Variants in PRDM16 observed in about 807,000 individuals in gnomAD.
PRDM16 encodes histone-lysine N-methyltransferase PRDM16.
In PRDM16, 23 loss-of-function variants were observed where a neutral mutation model predicts 110.6. The observed-to-expected ratio is 0.21, with a 90% CI of 0.15 to 0.29. The LOEUF (loss-of-function observed/expected upper bound fraction) is 0.29. Ranked by LOEUF, PRDM16 falls within the 10% of genes least tolerant of loss-of-function variation. The pLI, the probability that PRDM16 is intolerant of heterozygous loss-of-function variation, is 1.00. For missense variants in PRDM16, 1,615 were observed against 1,794.3 expected, an observed-to-expected ratio of 0.90 and a Z score of 1.81; for synonymous variants, 799 against 781.8, an observed-to-expected ratio of 1.02 and a Z score of -0.37.
intron 2 of PRDM16, among the ~76,000 whole-genome samples, chr1:3,212,277 C>T (rs1478496011): frequency 2.0e-5 from 3 of 152,202 alleles, no homozygotes; most frequent in Non-Finnish European, 2.9e-5. Flanking sequence ...GCTAGTTAAG[C>T]TCCTCATTTG....
In PRDM16 at chr1:3,418,652, C is replaced by T; in HGVS notation, c.2862-15C>T. ...CCTAATCCTCCCTCACCCTCCCCAC[C>T]TCCCTCCACCCCAGGTACTGTGGGA... On this transcript the variant is annotated splice_polypyrimidine_tract_variant and intron_variant, in intron 11 of 16. Coordinates refer to ENST00000270722, the MANE Select transcript of PRDM16 (RefSeq NM_022114.4). The T allele has an allele frequency of 6.3e-7, 1 of 1,597,788 alleles. No individual in the cohort carries two copies. The highest frequency in any genetic ancestry group is 8.6e-7 in the Non-Finnish European group (1 of 1,165,294).
chr1:3,287,414 C>CT (rs1296100948), intron 3 of PRDM16, among the ~76,000 whole-genome samples: 52 of 67,868 alleles, frequency 7.7e-4, no homozygotes, highest in Non-Finnish European at 1.3e-3. Context: ...GGAGCCGCCC[C>CT]GCCACGCGGG....
rs1190334699 is a variant in PRDM16 at position 3,358,884 on chromosome 1, A to G, written c.439-26268A>G. 6.6e-6 allele frequency among the ~76,000 whole-genome samples: 1 copy of G among 152,138 alleles called. No homozygotes were observed. The highest frequency in any genetic ancestry group is 1.9e-4 in the East Asian group (1 of 5,180). On this transcript the variant is annotated intron_variant, in intron 3 of 16. Transcript: ENST00000270722. This position sits in a 1 kb window ranked among gnomAD's most constrained non-coding sequence, Gnocchi z 4.0. ...AAAACAGACACCCCTCTTGGGCCGC[A>G]GAGGAGGTGGGGAAGCCGTGAAGAT...
intron 8 of PRDM16, among the ~76,000 whole-genome samples, chr1:3,407,327 C>A (rs1643579306): frequency 6.6e-6 from 1 of 152,242 alleles, no homozygotes; most frequent in African/African-American, 2.4e-5. Context: ...CACATGCCCC[C>A]ACCAACTGAG....
At position 3,353,097 on chromosome 1, in the gene PRDM16, C is replaced by T. The variant is rs182351853; in HGVS notation, c.439-32055C>T. Among the ~76,000 whole-genome samples, 596 of 152,344 alleles carry T rather than the reference C, an allele frequency of 3.9e-3. 8 individuals are homozygous for T. The highest frequency in any genetic ancestry group is 0.013 in the African/African-American group (557 of 41,584). On this transcript the variant is annotated intron_variant, in intron 3 of 16. Coordinates refer to ENST00000270722, the MANE Select transcript of PRDM16 (RefSeq NM_022114.4). This position sits in a 1 kb window ranked among gnomAD's most constrained non-coding sequence, Gnocchi z 5.4. ...TCAGGAAAGGGAGGCTGCAGCCGCACACCCGAAGAGCTCGAAAGCTGGCCC... is the reference window on the plus strand; with the variant it reads ...TCAGGAAAGGGAGGCTGCAGCCGCATACCCGAAGAGCTCGAAAGCTGGCCC...
intron 1 of PRDM16, among the ~76,000 whole-genome samples, chr1:3,105,799 T>C (rs974317108): frequency 2.0e-5 from 3 of 152,198 alleles, no homozygotes; most frequent in African/African-American, 7.2e-5. Flanking sequence ...GCCACTGCTG[T>C]GTGCAGCCCC....
intron 1 of PRDM16, among the ~76,000 whole-genome samples, chr1:3,113,726 A>G (rs1340444678): frequency 1.3e-5 from 2 of 152,166 alleles, no homozygotes; most frequent in African/African-American, 4.8e-5. Flanking sequence ...ATCCCCAGAC[A>G]TGGCCGCGTG....
In PRDM16 at chr1:3,378,685, G is replaced by A. The variant is rs144819031; in HGVS notation, c.439-6467G>A. On this transcript the variant is annotated intron_variant, in intron 3 of 16. Coordinates refer to ENST00000270722, the MANE Select transcript of PRDM16 (RefSeq NM_022114.4). Reference sequence around the variant, plus strand: ...GCACAGAGACCCTGGGGAGGAAGGCGAGAGAGGACAGGAAAGGTGGCAGGA... The same window carrying A: ...GCACAGAGACCCTGGGGAGGAAGGCAAGAGAGGACAGGAAAGGTGGCAGGA... 9.9e-3 allele frequency among the ~76,000 whole-genome samples: 1,512 copies of A among 152,206 alleles called. 11 individuals are homozygous for A. The highest frequency in any genetic ancestry group is 0.017 in the Non-Finnish European group (1,143 of 67,974).
chr1:3,372,071 C>T (rs1357753124), intron 3 of PRDM16, among the ~76,000 whole-genome samples: 1 of 152,236 alleles, frequency 6.6e-6, no homozygotes, highest in Non-Finnish European at 1.5e-5. Flanking sequence ...TGTGTGCAGC[C>T]TGCACATTTG....
rs1045135294 is a variant in PRDM16 at position 3,244,715 on chromosome 1, A to G, written c.438+578A>G. 1.3e-5 allele frequency among the ~76,000 whole-genome samples: 2 copies of G among 152,174 alleles called. No individual in the cohort carries two copies. Among genetic ancestry groups the G allele is most frequent in the Non-Finnish European group, 1.5e-5 (1 of 68,040 alleles). On this transcript the variant is annotated intron_variant, in intron 3 of 16. Coordinates refer to ENST00000270722, the MANE Select transcript of PRDM16 (RefSeq NM_022114.4). This position sits in a 1 kb window ranked among gnomAD's most constrained non-coding sequence, Gnocchi z 4.1. ...CAGATCCAGAGGGAGAACCATGTGCAGAGAAACACACAGGCCCTGGGGAGG... is the reference window on the plus strand; with the variant it reads ...CAGATCCAGAGGGAGAACCATGTGCGGAGAAACACACAGGCCCTGGGGAGG...
chr1:3,241,605 G>A (rs996500903), intron 2 of PRDM16, among the ~76,000 whole-genome samples: 1 of 152,230 alleles, frequency 6.6e-6, no homozygotes, highest in African/African-American at 2.4e-5. Flanking sequence ...GACAAGCTCC[G>A]GGGAGCAGGA....
chr1:3,355,271 C>T (rs886977758), intron 3 of PRDM16, among the ~76,000 whole-genome samples: 15 of 152,108 alleles, frequency 9.9e-5, no homozygotes, highest in East Asian at 1.9e-4. Context: ...TGGAGGCCTC[C>T]GGGGTATCAG....
At chr1:3,203,468 G>A (rs1286066725) in intron 2 of PRDM16, among the ~76,000 whole-genome samples, 1 of 152,238 alleles carries the variant, frequency 6.6e-6, no homozygotes, top group Non-Finnish European at 1.5e-5. Flanking sequence ...AAGGTGCCAT[G>A]TGCTGCATGG....
intron 4 of PRDM16, 35 bp downstream of exon 4, chr1:3,385,321 T>C (rs1402746594): frequency 6.2e-7 from 1 of 1,609,168 alleles, no homozygotes. Flanking sequence ...CTTCTGCCTC[T>C]TGGAATTGTC....
chr1:3,254,491 T>A (rs1279479731), intron 3 of PRDM16, among the ~76,000 whole-genome samples: 1 of 152,098 alleles, frequency 6.6e-6, no homozygotes, highest in African/African-American at 2.4e-5. Context: ...TGTACAAAAA[T>A]CACAAGCATT....
At chr1:3,343,726 C>T (rs574518428) in intron 3 of PRDM16, among the ~76,000 whole-genome samples, 5 of 152,176 alleles carry the variant, frequency 3.3e-5, no homozygotes, top group South Asian at 2.1e-4. Flanking sequence ...CTCCGCCTCC[C>T]GGGTTCTCCG....
intron 1 of PRDM16, among the ~76,000 whole-genome samples, chr1:3,154,506 G>T (rs569785155): frequency 2.0e-5 from 3 of 152,196 alleles, no homozygotes; most frequent in Non-Finnish European, 4.4e-5. Context: ...CACTCCTCCC[G>T]CCTCCAGGAA....
At chr1:3,138,349 G>C (rs1382565161) in intron 1 of PRDM16, among the ~76,000 whole-genome samples, 1 of 152,258 alleles carries the variant, frequency 6.6e-6, no homozygotes, top group East Asian at 1.9e-4. Flanking sequence ...AAATACAAAA[G>C]CTGAGACTGG....
intron 3 of PRDM16, among the ~76,000 whole-genome samples, chr1:3,292,031 C>T (rs1477052240): frequency 1.3e-5 from 2 of 152,192 alleles, no homozygotes; most frequent in Non-Finnish European, 2.9e-5. Flanking sequence ...TGGGCTTGGC[C>T]GCAGGACCCC....
Sources: allele counts gnomAD v4.1 joint callset (sites outside exome capture counted in the v4.1 genomes callset), GRCh38; gene constraint gnomAD v4.1.1; non-coding constraint Gnocchi (gnomAD v3.1); transcripts MANE v1.5; gene names NCBI Gene and HGNC (gene_info 2026-07-23, HGNC 2026-07-21).